GABBR2: variants seen among roughly 807,000 people sequenced by gnomAD.
GABBR2 encodes gamma-aminobutyric acid type B receptor subunit 2, also known as G-protein coupled receptor 51.
Under a neutral mutation model 105.6 loss-of-function variants are expected in GABBR2, and 23 were observed. The ratio of observed to expected loss-of-function variants is 0.22; its 90% CI spans 0.16 to 0.31. The LOEUF (loss-of-function observed/expected upper bound fraction) is 0.31. GABBR2 is among the 10% of genes least tolerant of loss of function. The pLI is 1.00. For missense variants in GABBR2, 734 were observed against 1,245.5 expected, an observed-to-expected ratio of 0.59 and a Z score of 6.18; for synonymous variants, 478 against 499.7, an observed-to-expected ratio of 0.96 and a Z score of 0.58.
intron 4 of GABBR2, among the ~76,000 whole-genome samples, chr9:98,487,736 C>T (rs761511891): frequency 1.3e-5 from 2 of 152,026 alleles, no homozygotes; most frequent in Admixed American, 6.6e-5. Flanking sequence ...TGTGATTACA[C>T]CACTACACTC....
chr9:98,399,169 C>T (rs185441164), intron 8 of GABBR2, among the ~76,000 whole-genome samples: 21 of 152,176 alleles, frequency 1.4e-4, no homozygotes, highest in Admixed American at 7.2e-4. Flanking sequence ...GCCTGGCCAA[C>T]ATGGTGAAAC....
chr9:98,576,015 G>A (rs1000064352), intron 2 of GABBR2, among the ~76,000 whole-genome samples: 3 of 152,264 alleles, frequency 2.0e-5, no homozygotes, highest in African/African-American at 4.8e-5. Flanking sequence ...CCTGCCCTGG[G>A]GCTTCCTTGA....
chr9:98,421,594 G>A (rs994532339), intron 7 of GABBR2, among the ~76,000 whole-genome samples: 12 of 152,142 alleles, frequency 7.9e-5, no homozygotes, highest in African/African-American at 2.2e-4. Context: ...AAAATATTGT[G>A]TGAAAAAATG....
At chr9:98,427,097 G>A (rs1242840529) in intron 7 of GABBR2, among the ~76,000 whole-genome samples, 1 of 152,226 alleles carries the variant, frequency 6.6e-6, no homozygotes, top group Non-Finnish European at 1.5e-5. Context: ...GTTTGCCTGA[G>A]GAGGGTCAGG....
intron 7 of GABBR2, among the ~76,000 whole-genome samples, chr9:98,445,098 T>C (rs1214399993): frequency 1.3e-5 from 2 of 152,234 alleles, no homozygotes; most frequent in Admixed American, 6.5e-5. Context: ...AATTTCTCAA[T>C]CATTTGTGAA....
intron 7 of GABBR2, among the ~76,000 whole-genome samples, chr9:98,433,130 G>A (rs544462528): frequency 2.6e-5 from 4 of 152,356 alleles, no homozygotes; most frequent in African/African-American, 7.2e-5. Context: ...GGAATTACTA[G>A]ATTGGAGGAT....
intron 7 of GABBR2, among the ~76,000 whole-genome samples, chr9:98,424,478 C>A (rs1832838432): frequency 6.6e-6 from 1 of 152,102 alleles, no homozygotes; most frequent in Admixed American, 6.5e-5. Context: ...GAAGTGCTGG[C>A]CAGGGCAATT....
chr9:98,482,917 G>T (rs1826957598), intron 4 of GABBR2, among the ~76,000 whole-genome samples: 1 of 151,866 alleles, frequency 6.6e-6, no homozygotes, highest in Admixed American at 6.6e-5. Context: ...CTAAATGCTG[G>T]TGTTCTGTCC....
At chr9:98,521,800 A>G (rs986283592) in intron 3 of GABBR2, among the ~76,000 whole-genome samples, 4 of 152,136 alleles carry the variant, frequency 2.6e-5, no homozygotes, top group African/African-American at 9.7e-5. Flanking sequence ...AGAAGAACTC[A>G]CCCATGCTGT....
chr9:98,700,503 G>A (rs746246983), intron 1 of GABBR2, among the ~76,000 whole-genome samples: 2 of 152,112 alleles, frequency 1.3e-5, no homozygotes, highest in Admixed American at 6.5e-5. Context: ...CTTCCTACCC[G>A]ACTCTCCTTC....
intron 1 of GABBR2, among the ~76,000 whole-genome samples, chr9:98,659,840 C>T (rs1422350633): frequency 2.6e-5 from 4 of 151,872 alleles, no homozygotes; most frequent in East Asian, 1.9e-4. Flanking sequence ...GTTTTAAAAA[C>T]GTATGAACCA....
intron 7 of GABBR2, among the ~76,000 whole-genome samples, chr9:98,422,119 TA>T (rs1832791962): frequency 6.6e-6 from 1 of 151,670 alleles, no homozygotes; most frequent in African/African-American, 2.4e-5. Context: ...ATCAACAATA[TA>T]AAGACAGCAA....
chr9:98,676,549 C>A (rs1453768908), intron 1 of GABBR2, among the ~76,000 whole-genome samples: 2 of 152,174 alleles, frequency 1.3e-5, no homozygotes, highest in Non-Finnish European at 2.9e-5. Flanking sequence ...AACTTCTAGG[C>A]CATCTTCAGC....
At chr9:98,349,491 T>C (rs1831360113) in intron 13 of GABBR2, among the ~76,000 whole-genome samples, 1 of 151,388 alleles carries the variant, frequency 6.6e-6, no homozygotes, top group Non-Finnish European at 1.5e-5. Context: ...GTAGCTGGGA[T>C]TACAGGCATG....
At chr9:98,634,334 TC>T (rs1442413821) in intron 1 of GABBR2, among the ~76,000 whole-genome samples, 1 of 152,214 alleles carries the variant, frequency 6.6e-6, no homozygotes, top group Non-Finnish European at 1.5e-5. Context: ...GAAATTCACG[TC>T]CACCTGGAAC....
At chr9:98,607,116 C>T in intron 1 of GABBR2, 1 of 1,608,002 alleles carries the variant, frequency 6.2e-7, no homozygotes, top group East Asian at 2.2e-5. Flanking sequence ...GTGGAACAAT[C>T]CAAAGTTTTA....
intron 1 of GABBR2, among the ~76,000 whole-genome samples, chr9:98,602,879 T>C (rs537755075): frequency 1.1e-3 from 171 of 152,308 alleles, no homozygotes; most frequent in African/African-American, 3.9e-3. Context: ...TCCAGTATGC[T>C]ACAGGCAGGA....
chr9:98,463,325 T>G (rs1826457949), intron 6 of GABBR2, among the ~76,000 whole-genome samples: 1 of 152,204 alleles, frequency 6.6e-6, no homozygotes, highest in African/African-American at 2.4e-5. Context: ...TTCCCTAAAT[T>G]GATCTACAGA....
chr9:98,678,808 G>T (rs1019142104), intron 1 of GABBR2, among the ~76,000 whole-genome samples: 1 of 152,140 alleles, frequency 6.6e-6, no homozygotes, highest in African/African-American at 2.4e-5. Context: ...AGGGAAGACT[G>T]ATAATTTCCT....
Sources: gnomAD v4.1 joint callset for allele counts (sites outside exome capture counted in the v4.1 genomes callset) on GRCh38, gnomAD v4.1.1 for gene constraint, MANE v1.5 for transcripts, NCBI Gene and HGNC (gene_info 2026-07-23, HGNC 2026-07-21) for gene names.